EGFR: variants seen among roughly 807,000 people sequenced by gnomAD.
EGFR encodes the protein avian erythroblastic leukemia viral (v-erb-b) oncogene homolog.
In EGFR, 58 loss-of-function variants were observed where a neutral mutation model predicts 143.0. The ratio of observed to expected loss-of-function variants is 0.41; its 90% CI spans 0.33 to 0.50. The LOEUF (loss-of-function observed/expected upper bound fraction) is 0.50. Ranked by LOEUF, EGFR falls within the 20% of genes least tolerant of loss-of-function variation. The pLI is 0.39. For synonymous variants in EGFR, 613 were observed against 594.4 expected, an observed-to-expected ratio of 1.03 and a Z score of -0.45; for missense variants, 1,307 against 1,579.0, an observed-to-expected ratio of 0.83 and a Z score of 2.92.
At chr7:55,029,484 C>T (rs751527855) in intron 1 of EGFR, among the ~76,000 whole-genome samples, 1 of 151,986 alleles carries the variant, frequency 6.6e-6, no homozygotes, top group South Asian at 2.1e-4. Context: ...TATGAATTAG[C>T]CTTCACAGAG....
chr7:55,156,978 A>G, intron 10 of EGFR, 146 bp downstream of exon 10: 1 of 1,516,956 alleles, frequency 6.6e-7, no homozygotes, highest in Non-Finnish European at 8.8e-7. Flanking sequence ...ATTTTTCAAA[A>G]GTGCAGTTTC....
At chr7:55,104,690 C>T (rs1792025986) in intron 1 of EGFR, among the ~76,000 whole-genome samples, 1 of 152,204 alleles carries the variant, frequency 6.6e-6, no homozygotes, top group Non-Finnish European at 1.5e-5. Context: ...AGTGCCTAGG[C>T]ACTGCCCCTC....
intron 22 of EGFR, among the ~76,000 whole-genome samples, chr7:55,198,000 G>A (rs1345820126): frequency 1.3e-5 from 2 of 152,144 alleles, no homozygotes; most frequent in African/African-American, 4.8e-5. Context: ...GTATCAGGAT[G>A]ACATTGGCCT....
chr7:55,200,536 A>T (rs907567904), intron 24 of EGFR, 123 bp downstream of exon 24: 1 of 967,202 alleles, frequency 1.0e-6, no homozygotes, highest in African/African-American at 1.6e-5. Context: ...TAAACCCTCC[A>T]GCGCATTAGA....
intron 3 of EGFR, among the ~76,000 whole-genome samples, chr7:55,144,110 G>A (rs1354657116): frequency 6.6e-6 from 1 of 152,176 alleles, no homozygotes; most frequent in East Asian, 1.9e-4. Flanking sequence ...GGCCAGGAAT[G>A]TTAAATTGGT....
chr7:55,199,570 G>A (rs754602244), intron 23 of EGFR, among the ~76,000 whole-genome samples: 4 of 152,226 alleles, frequency 2.6e-5, no homozygotes, highest in East Asian at 3.8e-4. Context: ...GAGAAGCCAC[G>A]TGATTTGTCT....
intron 1 of EGFR, among the ~76,000 whole-genome samples, chr7:55,076,069 C>T (rs1174441207): frequency 6.6e-6 from 1 of 152,178 alleles, no homozygotes; most frequent in East Asian, 1.9e-4. Context: ...ATAAATGAGA[C>T]ATTTGGTATT....
intron 20 of EGFR, among the ~76,000 whole-genome samples, chr7:55,184,418 C>T (rs1584244381): frequency 6.6e-6 from 1 of 152,250 alleles, no homozygotes; most frequent in African/African-American, 2.4e-5. Context: ...CGCTCCTTCT[C>T]ATGCTCACAT....
At chr7:55,097,864 A>G (rs532388959) in intron 1 of EGFR, among the ~76,000 whole-genome samples, 9 of 151,512 alleles carry the variant, frequency 5.9e-5, no homozygotes, top group African/African-American at 2.2e-4. Flanking sequence ...ACCTAAATGC[A>G]CCTAAACTTC....
intron 3 of EGFR, among the ~76,000 whole-genome samples, chr7:55,144,723 G>A (rs547803244): frequency 4.6e-5 from 7 of 152,238 alleles, no homozygotes; most frequent in East Asian, 1.9e-4. Flanking sequence ...CCTACAGTGC[G>A]CCTCACACGC....
At chr7:55,143,731 G>C (rs1424149948) in intron 3 of EGFR, among the ~76,000 whole-genome samples, 1 of 152,176 alleles carries the variant, frequency 6.6e-6, no homozygotes, top group African/African-American at 2.4e-5. Flanking sequence ...AAAATACTGA[G>C]AGATAGTAAG....
At position 55,205,698 on chromosome 7, in the gene EGFR, C is replaced by A. The variant is rs1788084126; in HGVS notation, c.*81C>A. ...AGCCACAGCAGGTCCTCCATCCCAA[C>A]AGCCATGCCCGCATTAGCTCTTAGA... On this transcript the variant is annotated 3_prime_UTR_variant, in exon 28 of 28. Coordinates refer to ENST00000275493, the MANE Select transcript of EGFR (RefSeq NM_005228.5). 6.2e-7 allele frequency: 1 copy of A among 1,608,354 alleles called. No individual in the cohort carries two copies. The highest frequency in any genetic ancestry group is 2.2e-5 in the East Asian group (1 of 44,870).
chr7:55,129,048 T>C (rs538914026), intron 1 of EGFR, among the ~76,000 whole-genome samples: 17 of 152,354 alleles, frequency 1.1e-4, no homozygotes, highest in African/African-American at 2.4e-4. Flanking sequence ...AATAATAAGC[T>C]AAAGAAAACA....
Position 55,173,004 on chromosome 7 carries a change from C to T in EGFR, c.1941C>T (p.Ala647=). The part of the protein sequence containing the change: ...PTNGPKIPSI[A]TGMVGALLLL... ...CCAGGCCTAAGATCCCGTCCATCGC[C>T]ACTGGGATGGTGGGGGCCCTCCTCT... The change falls in exon 17 of 28, where the codon GCC becomes GCT. Residue 647 remains alanine, a synonymous_variant. Coordinates refer to ENST00000275493, the MANE Select transcript of EGFR (RefSeq NM_005228.5). The T allele has an allele frequency of 6.2e-7, 1 of 1,614,194 alleles. No individual in the cohort carries two copies. The highest frequency in any genetic ancestry group is 8.5e-7 in the Non-Finnish European group (1 of 1,180,038).
intron 1 of EGFR, among the ~76,000 whole-genome samples, chr7:55,102,386 T>A (rs1322626449): frequency 6.6e-6 from 1 of 152,232 alleles, no homozygotes; most frequent in East Asian, 1.9e-4. Context: ...TGGCTCATCT[T>A]ACCTGAGCCA....
intron 1 of EGFR, among the ~76,000 whole-genome samples, chr7:55,121,134 A>T (rs538674075): frequency 6.6e-6 from 1 of 152,352 alleles, no homozygotes; most frequent in South Asian, 2.1e-4. Flanking sequence ...TCTCCAATTT[A>T]GCATGAAAAC....
At chr7:55,081,682 C>T (rs1019342065) in intron 1 of EGFR, among the ~76,000 whole-genome samples, 11 of 151,668 alleles carry the variant, frequency 7.3e-5, no homozygotes, top group African/African-American at 2.7e-4. Flanking sequence ...CTGCACAATT[C>T]ATCAGTGTCT....
chr7:55,043,026 G>A (rs748706935), intron 1 of EGFR, among the ~76,000 whole-genome samples: 12 of 152,066 alleles, frequency 7.9e-5, no homozygotes, highest in Non-Finnish European at 1.0e-4. Context: ...CTTTCAAATC[G>A]GATGGTACCT....
intron 1 of EGFR, among the ~76,000 whole-genome samples, chr7:55,104,536 T>A (rs1287794293): frequency 6.6e-6 from 1 of 152,112 alleles, no homozygotes; most frequent in Non-Finnish European, 1.5e-5. Flanking sequence ...TCTGTGGGGG[T>A]TATCTGAAGG....
Sources: allele counts gnomAD v4.1 joint callset (sites outside exome capture counted in the v4.1 genomes callset), GRCh38; gene constraint gnomAD v4.1.1; transcripts MANE v1.5; gene names NCBI Gene and HGNC (gene_info 2026-07-23, HGNC 2026-07-21).